CAMK2D: variants seen among roughly 807,000 people sequenced by gnomAD.
The protein encoded by CAMK2D is calcium/calmodulin-dependent protein kinase type II subunit delta.
Under a neutral mutation model 84.0 loss-of-function variants are expected in CAMK2D, and 37 were observed. That is an observed-to-expected ratio of 0.44 (90% confidence interval 0.34 to 0.58). The LOEUF is 0.58. Ranked by LOEUF, CAMK2D falls within the 20% of genes least tolerant of loss-of-function variation. The pLI is 0.02. For missense variants in CAMK2D, 448 were observed against 652.5 expected (o/e 0.69, Z 3.41); for synonymous variants, 202 against 212.5 (o/e 0.95, Z 0.43).
intron 3 of CAMK2D, among the ~76,000 whole-genome samples, chr4:113,638,041 T>A (rs2099116927): frequency 6.6e-6 from 1 of 152,210 alleles, no homozygotes; most frequent in South Asian, 2.1e-4. Flanking sequence ...CATCTCTTAG[T>A]GCCTTCCAAT....
chr4:113,636,000 A>T (rs1396382571), intron 3 of CAMK2D, among the ~76,000 whole-genome samples: 1 of 152,194 alleles, frequency 6.6e-6, no homozygotes, highest in African/African-American at 2.4e-5. Flanking sequence ...CATGCTGTCA[A>T]CTTCTGATTT....
At chr4:113,455,936 A>T in intron 19 of CAMK2D, 115 bp from the exon 20 acceptor site, 1 of 621,238 alleles carries the variant, frequency 1.6e-6, no homozygotes, top group Non-Finnish European at 2.9e-6. Flanking sequence ...CTGGTACTGT[A>T]TGAATGTAAC....
At chr4:113,754,725 C>T in intron 2 of CAMK2D, 1 of 979,030 alleles carries the variant, frequency 1.0e-6, no homozygotes, top group South Asian at 4.7e-5. Context: ...TTCTGAAGAG[C>T]AGTAATGCTT....
At chr4:113,460,911 C>T (rs1449160055) in intron 17 of CAMK2D, among the ~76,000 whole-genome samples, 1 of 152,032 alleles carries the variant, frequency 6.6e-6, no homozygotes, top group Non-Finnish European at 1.5e-5. Flanking sequence ...AGGCTCGTCT[C>T]GGACTCTAGG....
At chr4:113,740,816 G>A (rs145754770) in intron 2 of CAMK2D, among the ~76,000 whole-genome samples, 2 of 152,184 alleles carry the variant, frequency 1.3e-5, no homozygotes, top group Non-Finnish European at 2.9e-5. Context: ...TAGACTGCAA[G>A]AGTCTCCTAA....
chr4:113,521,345 C>T (rs2098356715), intron 8 of CAMK2D, among the ~76,000 whole-genome samples: 1 of 152,138 alleles, frequency 6.6e-6, no homozygotes, highest in Non-Finnish European at 1.5e-5. Context: ...GTGCCAGCCT[C>T]CTCAAAGTGG....
chr4:113,613,025 C>G (rs1400019593), intron 3 of CAMK2D, among the ~76,000 whole-genome samples: 1 of 151,984 alleles, frequency 6.6e-6, no homozygotes, highest in Non-Finnish European at 1.5e-5. Flanking sequence ...AGACCATGGT[C>G]CTTGTATGAT....
At chr4:113,588,061 C>T (rs11931517) in intron 4 of CAMK2D, among the ~76,000 whole-genome samples, 106,743 of 152,006 alleles carry the variant, frequency 0.7, 37,672 homozygotes, top group Middle Eastern at 0.74. Context: ...ATTAAAAAAG[C>T]AAACAAAAGA....
chr4:113,610,058 T>G (rs1398123107), intron 3 of CAMK2D, among the ~76,000 whole-genome samples: 1 of 152,168 alleles, frequency 6.6e-6, no homozygotes, highest in Non-Finnish European at 1.5e-5. Context: ...TATTTTTATT[T>G]TTTACTTTTA....
chr4:113,566,762 ATTTAGG>A (rs1194285779), intron 4 of CAMK2D, among the ~76,000 whole-genome samples: 1 of 152,110 alleles, frequency 6.6e-6, no homozygotes, highest in Non-Finnish European at 1.5e-5. Flanking sequence ...TCTTCTCAAC[ATTTAGG>A]TTCTTCTCCT....
chr4:113,502,521 CAA>C (rs5861138), intron 15 of CAMK2D, among the ~76,000 whole-genome samples: 1 of 134,210 alleles, frequency 7.5e-6, no homozygotes. Flanking sequence ...TAACACTAAA[CAA>C]AAAAAAAAAC....
intron 3 of CAMK2D, among the ~76,000 whole-genome samples, chr4:113,639,315 G>A (rs970937980): frequency 1.5e-4 from 23 of 152,060 alleles, no homozygotes; most frequent in Non-Finnish European, 1.9e-4. Context: ...GATATGAATA[G>A]GCAAGATTAT....
intron 3 of CAMK2D, among the ~76,000 whole-genome samples, chr4:113,648,112 A>G (rs903874879): frequency 1.3e-5 from 2 of 152,200 alleles, no homozygotes; most frequent in African/African-American, 2.4e-5. Context: ...AAGAGTATAA[A>G]TTGATATAAC....
chr4:113,754,842 C>T (rs1184708985), intron 2 of CAMK2D: 1 of 984,264 alleles, frequency 1.0e-6, no homozygotes, highest in Non-Finnish European at 1.2e-6. Context: ...ATGACACATG[C>T]CACTTCTGGG....
In CAMK2D at chr4:113,570,838, C is replaced by T. The variant is rs544194107; in HGVS notation, c.276-18742G>A. Among the ~76,000 whole-genome samples, 3 of 152,098 alleles carry T rather than the reference C, an allele frequency of 2.0e-5. No individual in the cohort carries two copies. In the South Asian group the frequency reaches 6.2e-4, roughly 32 times the overall value. On this transcript the variant is annotated intron_variant, in intron 4 of 20. Transcript: ENST00000511664. ...AAAAGCTTCTGCTCAAAAAAGGAAA[C>T]AATCAACAGAGTGAAGAGACAACCT...
intron 2 of CAMK2D, among the ~76,000 whole-genome samples, chr4:113,707,023 A>G (rs544964776): frequency 6.6e-6 from 1 of 152,278 alleles, no homozygotes; most frequent in South Asian, 2.1e-4. Context: ...CATACAAGGT[A>G]AAGGCTGGCC....
At chr4:113,720,891 T>C (rs2099528825) in intron 2 of CAMK2D, among the ~76,000 whole-genome samples, 1 of 152,150 alleles carries the variant, frequency 6.6e-6, no homozygotes, top group African/African-American at 2.4e-5. Context: ...GCATATTTTA[T>C]TGAATATGCC....
chr4:113,543,913 T>C (rs1316172439), intron 6 of CAMK2D, among the ~76,000 whole-genome samples: 2 of 151,992 alleles, frequency 1.3e-5, no homozygotes, highest in African/African-American at 2.4e-5. Flanking sequence ...TGCCTCAGCC[T>C]CCCGAGTAGC....
intron 2 of CAMK2D, among the ~76,000 whole-genome samples, chr4:113,680,726 C>G (rs1390980088): frequency 6.6e-6 from 1 of 152,176 alleles, no homozygotes; most frequent in African/African-American, 2.4e-5. Context: ...AACAAACGTT[C>G]TTTGTGTTAT....
Sources: allele counts gnomAD v4.1 joint callset (sites outside exome capture counted in the v4.1 genomes callset), GRCh38; gene constraint gnomAD v4.1.1; transcripts MANE v1.5; gene names NCBI Gene and HGNC (gene_info 2026-07-23, HGNC 2026-07-21).